The following CFAP44 variants were observed in gnomAD, a reference collection of about 807,000 sequenced individuals.
CFAP44 encodes the protein cilia- and flagella-associated protein 44.
CFAP44 carries 134 observed loss-of-function variants against 216.2 expected under a neutral mutation model. That is an observed-to-expected ratio of 0.62 (90% CI 0.54 to 0.72). The LOEUF is 0.72. Among genes scored for constraint, CFAP44 ranks in the 30% least tolerant of loss-of-function variants. The probability of loss-of-function intolerance (pLI) is 0.00; values close to 1 mark genes in which losing one functional copy is unlikely to be tolerated. For missense variants in CFAP44, 2,035 were observed against 2,182.1 expected, an observed-to-expected ratio of 0.93 and a Z score of 1.34; for synonymous variants, 700 against 727.6, an observed-to-expected ratio of 0.96 and a Z score of 0.61.
At chr3:113,352,952 T>C (rs1950458558) in intron 22 of CFAP44, among the ~76,000 whole-genome samples, 1 of 152,202 alleles carries the variant, frequency 6.6e-6, no homozygotes, top group Non-Finnish European at 1.5e-5. Context: ...TCCTTCCATA[T>C]GTTCCCTGAA....
intron 15 of CFAP44, among the ~76,000 whole-genome samples, chr3:113,387,925 G>A (rs1933692358): frequency 6.6e-6 from 1 of 152,032 alleles, no homozygotes; most frequent in Admixed American, 6.6e-5. Context: ...CCACAGGTCT[G>A]GGGTAGTGGC....
intron 21 of CFAP44, chr3:113,362,795 A>T: frequency 1.2e-6 from 1 of 843,966 alleles, no homozygotes; most frequent in Non-Finnish European, 1.5e-6. Context: ...CGGACGCTTC[A>T]GGCCAATTTT....
chr3:113,400,731 T>A, intron 11 of CFAP44, 87 bp from the exon 12 acceptor site: 1 of 1,167,694 alleles, frequency 8.6e-7, no homozygotes, highest in Non-Finnish European at 1.2e-6. Context: ...AAGATAAAAA[T>A]ATAACACATG....
chr3:113,394,266 C>T (rs1320123169), intron 15 of CFAP44, among the ~76,000 whole-genome samples: 1 of 152,110 alleles, frequency 6.6e-6, no homozygotes, highest in Admixed American at 6.5e-5. Context: ...TATACCATCA[C>T]CACAAAGGTC....
In CFAP44 at chr3:113,333,544, T is replaced by C. The variant is rs749700773; in HGVS notation, c.3477A>G (p.Lys1159=). Residue 1159 remains lysine, a synonymous_variant, in exon 25 of 35, where the codon AAA becomes AAG. Coordinates refer to ENST00000393845, the MANE Select transcript of CFAP44 (RefSeq NM_001164496.2). The part of the protein sequence containing the change: ...SKPGDDYEDP[K]DLQAIKEAQV... ...GGGCTTCTTTGATGGCTTGAAGATC[T>C]TTGGGATCTTCATAGTCATCACCAG... 2 of 1,536,818 alleles carry C rather than the reference T, an allele frequency of 1.3e-6. No individual in the cohort carries two copies. Among genetic ancestry groups the C allele is most frequent in the African/African-American group, 2.7e-5 (2 of 73,012 alleles).
At chr3:113,440,286 C>G (rs1191292494) in intron 1 of CFAP44, among the ~76,000 whole-genome samples, 1 of 152,168 alleles carries the variant, frequency 6.6e-6, no homozygotes, top group Non-Finnish European at 1.5e-5. Context: ...GTCTCGAACT[C>G]CTGACCTCAG....
chr3:113,323,594 A>ATT, intron 28 of CFAP44, among the ~76,000 whole-genome samples: 1 of 151,532 alleles, frequency 6.6e-6, no homozygotes, highest in Middle Eastern at 3.2e-3. Flanking sequence ...TAAAAGCTGA[A>ATT]TTTTTTTTTA....
chr3:113,407,269 G>A (rs1206928603), intron 7 of CFAP44, among the ~76,000 whole-genome samples: 1 of 152,120 alleles, frequency 6.6e-6, no homozygotes, highest in Non-Finnish European at 1.5e-5. Flanking sequence ...CTGCTTTCAT[G>A]CATCTTATAT....
At chr3:113,326,983 T>C (rs1386147836) in intron 27 of CFAP44, among the ~76,000 whole-genome samples, 1 of 152,072 alleles carries the variant, frequency 6.6e-6, no homozygotes, top group African/African-American at 2.4e-5. Context: ...AACCAATGAA[T>C]TTTTTGTATT....
intron 32 of CFAP44, among the ~76,000 whole-genome samples, chr3:113,302,456 G>GAAAAAAAAAAAAAAAAAAAAAAAAAAA (rs1949944461): frequency 1.7e-5 from 1 of 60,360 alleles, no homozygotes; most frequent in African/African-American, 9.2e-5. Flanking sequence ...ACTAGACAAA[G>GAAAAAAAAAAAAAAAAAAAAAAAAAAA]TAAAAAAAAA....
intron 28 of CFAP44, among the ~76,000 whole-genome samples, chr3:113,310,617 C>T (rs1950028624): frequency 6.6e-6 from 1 of 152,200 alleles, no homozygotes; most frequent in Non-Finnish European, 1.5e-5. Flanking sequence ...AGGAAGATAT[C>T]TGATATGGTT....
intron 15 of CFAP44, among the ~76,000 whole-genome samples, chr3:113,389,345 T>C (rs961215160): frequency 6.6e-6 from 1 of 152,002 alleles, no homozygotes; most frequent in African/African-American, 2.4e-5. Flanking sequence ...AAACACAACA[T>C]ACCAAAACCT....
At chr3:113,350,106 A>C (rs1950428304) in intron 22 of CFAP44, among the ~76,000 whole-genome samples, 1 of 152,200 alleles carries the variant, frequency 6.6e-6, no homozygotes, top group South Asian at 2.1e-4. Flanking sequence ...GAAGCCATGA[A>C]AAGGGGAAGG....
rs1387020606 is a variant in CFAP44 at position 113,409,092 on chromosome 3, G to A, written c.890+14C>T. On this transcript the variant is annotated intron_variant, in intron 7 of 34. Transcript: ENST00000393845. ...GTGATATCTACTGGCACCTCTATTG[G>A]TTACCCAACCTACTTGATGTGGCCT... 1 of 1,592,452 alleles carries A rather than the reference G, an allele frequency of 6.3e-7. No homozygotes were observed. Among genetic ancestry groups the A allele is most frequent in the South Asian group, 1.1e-5 (1 of 90,644 alleles).
chr3:113,341,550 A>G (rs1950333547), intron 24 of CFAP44, among the ~76,000 whole-genome samples, 194 bp downstream of exon 24: 2 of 152,244 alleles, frequency 1.3e-5, no homozygotes, highest in Admixed American at 1.3e-4. Flanking sequence ...TCTAAGAATT[A>G]CAGAAGTTCT....
chr3:113,328,933 T>C (rs1950217314), intron 26 of CFAP44, among the ~76,000 whole-genome samples: 1 of 152,124 alleles, frequency 6.6e-6, no homozygotes, highest in African/African-American at 2.4e-5. Context: ...ATAGAGAACA[T>C]GTCTTTCTTA....
At chr3:113,379,282 A>G (rs754317354) in intron 17 of CFAP44, 24 bp downstream of exon 17, 1 of 1,480,546 alleles carries the variant, frequency 6.8e-7, no homozygotes. Flanking sequence ...TGATTGAGGT[A>G]AAAATTATTA....
chr3:113,422,879 A>T (rs1164551681), intron 4 of CFAP44, among the ~76,000 whole-genome samples: 1 of 152,170 alleles, frequency 6.6e-6, no homozygotes, highest in African/African-American at 2.4e-5. Context: ...TCCCTTTTAC[A>T]TGCTGCTGCC....
chr3:113,379,736 A>G (rs1933454884), intron 16 of CFAP44, among the ~76,000 whole-genome samples, 185 bp from the exon 17 acceptor site: 1 of 152,168 alleles, frequency 6.6e-6, no homozygotes, highest in African/African-American at 2.4e-5. Context: ...AGAATGACTC[A>G]TTTTTGTTTT....
Sources: gnomAD v4.1 joint callset for allele counts (sites outside exome capture counted in the v4.1 genomes callset) on GRCh38, gnomAD v4.1.1 for gene constraint, MANE v1.5 for transcripts, NCBI Gene and HGNC (gene_info 2026-07-23, HGNC 2026-07-21) for gene names.